Variants in MREG observed in about 807,000 individuals in gnomAD.
MREG encodes melanoregulin.
In MREG, 31 loss-of-function variants were observed where a neutral mutation model predicts 28.5. The observed-to-expected ratio is 1.09, with a 90% CI of 0.82 to 1.47. The LOEUF is 1.47. MREG is among the 40% of genes most tolerant of loss of function. MREG has a pLI of 0.00. For missense variants in MREG, 256 were observed against 257.4 expected (o/e 0.99, Z 0.04); for synonymous variants, 106 against 95.2 (o/e 1.11, Z -0.66).
intron 1 of MREG, among the ~76,000 whole-genome samples, chr2:216,010,608 C>T (rs1180116387): frequency 2.7e-5 from 4 of 150,892 alleles, no homozygotes; most frequent in African/African-American, 9.7e-5. Context: ...CCGGCCGCCT[C>T]GGCCTCCCAA....
At chr2:215,946,346 T>C (rs577038301) in intron 3 of MREG, among the ~76,000 whole-genome samples, 2 of 151,680 alleles carry the variant, frequency 1.3e-5, no homozygotes, top group East Asian at 3.9e-4. Flanking sequence ...ATCGGTCACA[T>C]GGCCCCCCAC....
intron 1 of MREG, among the ~76,000 whole-genome samples, chr2:216,003,671 C>T (rs1401400775): frequency 1.3e-5 from 2 of 152,150 alleles, no homozygotes; most frequent in African/African-American, 4.8e-5. Context: ...CTGATCTTCC[C>T]GCTAAACCCA....
intron 1 of MREG, among the ~76,000 whole-genome samples, chr2:216,025,391 C>G (rs1694580376): frequency 6.6e-6 from 1 of 152,182 alleles, no homozygotes; most frequent in Non-Finnish European, 1.5e-5. Flanking sequence ...GGCAGAAAAT[C>G]TGGTACTGCC....
chr2:216,011,095 C>CA (rs35487752), intron 1 of MREG, among the ~76,000 whole-genome samples: 35,075 of 106,566 alleles, frequency 0.33, 5,339 homozygotes, highest in Admixed American at 0.44. Flanking sequence ...GACTCCGTCT[C>CA]AAAAAAAAAA....
chr2:215,960,514 G>A (rs184075115), intron 2 of MREG, among the ~76,000 whole-genome samples: 8 of 152,296 alleles, frequency 5.3e-5, no homozygotes, highest in Admixed American at 3.9e-4. Context: ...TAATCCATGT[G>A]AATTCTGAAC....
intron 2 of MREG, among the ~76,000 whole-genome samples, chr2:215,975,614 CCA>C (rs1559183387): frequency 6.6e-6 from 1 of 152,324 alleles, no homozygotes; most frequent in East Asian, 1.9e-4. Context: ...CTAGACACTG[CCA>C]CAGTCCATTC....
In MREG at chr2:215,990,838, G is replaced by C. The variant is rs562981993; in HGVS notation, c.255+5468C>G. The stretch of plus-strand genomic sequence containing the variant: ...GGTAAAGGGATCAACGCAACAAAAA[G>C]AGCTAACTATCCTAAATATGTATGT... On this transcript the variant is annotated intron_variant, in intron 2 of 4. Transcript: ENST00000263268. Among the ~76,000 whole-genome samples the C allele has an allele frequency of 1.5e-4, 23 of 152,238 alleles. 2 individuals carry two copies. The highest frequency in any genetic ancestry group is 5.5e-4 in the African/African-American group (23 of 41,544).
At chr2:215,984,451 G>A (rs1693510825) in intron 2 of MREG, among the ~76,000 whole-genome samples, 3 of 145,420 alleles carry the variant, frequency 2.1e-5, no homozygotes, top group Admixed American at 7.1e-5. Context: ...CCAGGAGGTC[G>A]AGGCTATCAT....
chr2:215,973,972 T>C (rs1379879764), intron 2 of MREG, among the ~76,000 whole-genome samples: 1 of 152,194 alleles, frequency 6.6e-6, no homozygotes, highest in Non-Finnish European at 1.5e-5. Flanking sequence ...AGAAACTAGG[T>C]TAATTTGCAC....
At chr2:216,002,349 T>A (rs980966038) in intron 1 of MREG, among the ~76,000 whole-genome samples, 1 of 152,156 alleles carries the variant, frequency 6.6e-6, no homozygotes, top group African/African-American at 2.4e-5. Flanking sequence ...TTGAAGCTAT[T>A]TACCGAGAGT....
chr2:215,997,414 G>A (rs10168494), intron 1 of MREG, among the ~76,000 whole-genome samples: 102,929 of 152,022 alleles, frequency 0.68, 34,969 homozygotes, highest in African/African-American at 0.69. Flanking sequence ...CACAGCCCCA[G>A]TTAACTTCTG....
At chr2:216,007,001 C>A (rs1208826986) in intron 1 of MREG, among the ~76,000 whole-genome samples, 1 of 152,190 alleles carries the variant, frequency 6.6e-6, no homozygotes, top group Non-Finnish European at 1.5e-5. Flanking sequence ...TAGTTCCATA[C>A]CTCTCTGCAC....
At chr2:216,032,162 A>G (rs547680095) in intron 1 of MREG, among the ~76,000 whole-genome samples, 3 of 152,358 alleles carry the variant, frequency 2.0e-5, no homozygotes, top group South Asian at 4.1e-4. Flanking sequence ...TTGCTATTTA[A>G]GTCCATGATA....
chr2:216,016,662 A>C (rs1192411927), upstream of MREG, among the ~76,000 whole-genome samples: 1 of 152,260 alleles, frequency 6.6e-6, no homozygotes, highest in East Asian at 1.9e-4. Flanking sequence ...CCCTGAAGAA[A>C]TATCAGAATT....
chr2:215,951,809 G>C (rs943371222), intron 2 of MREG, among the ~76,000 whole-genome samples: 1 of 152,174 alleles, frequency 6.6e-6, no homozygotes, highest in African/African-American at 2.4e-5. Flanking sequence ...TTCTCCTCCA[G>C]CTTTCAATCC....
chr2:215,966,525 T>C (rs537746636), intron 2 of MREG, among the ~76,000 whole-genome samples: 8 of 152,162 alleles, frequency 5.3e-5, no homozygotes, highest in Non-Finnish European at 1.2e-4. Flanking sequence ...CAGTATGTTG[T>C]GCTTGTCAAT....
At chr2:215,997,437 G>T (rs559614566) in intron 1 of MREG, among the ~76,000 whole-genome samples, 2 of 152,292 alleles carry the variant, frequency 1.3e-5, no homozygotes, top group South Asian at 4.1e-4. Flanking sequence ...ACCCCCAGTT[G>T]ACTTCTGTGG....
chr2:216,027,797 C>G (rs1694618318), intron 1 of MREG, among the ~76,000 whole-genome samples: 1 of 152,190 alleles, frequency 6.6e-6, no homozygotes, highest in African/African-American at 2.4e-5. Context: ...AATGTCCATT[C>G]TGAACAAGAG....
rs1559203784 is a variant in MREG, at chr2:216,031,428, G to GAAAGA, written c.-68+1360_-68+1361insTCTTT. Among the ~76,000 whole-genome samples, 123 of 56,566 alleles carry GAAAGA rather than the reference G, an allele frequency of 2.2e-3. 1 individual carries two copies. The highest frequency in any genetic ancestry group is 3.4e-3 in the Non-Finnish European group (80 of 23,644). 37.1% of individuals were successfully genotyped at this position (56,566 alleles called of 152,430 possible). On this transcript the variant is annotated intron_variant, in intron 1 of 3. Transcript: ENST00000420348. ...AGAAAGGAAGAAAGGAAGAAAGAAA[G>GAAAGA]AAAAGAAAGAAAGAAAAAGAAAGAA...
Sources: allele counts gnomAD v4.1 joint callset (sites outside exome capture counted in the v4.1 genomes callset), GRCh38; gene constraint gnomAD v4.1.1; transcripts MANE v1.5; gene names NCBI Gene and HGNC (gene_info 2026-07-23, HGNC 2026-07-21).